The following DSCAML1 variants were observed in gnomAD, a reference collection of about 807,000 sequenced individuals.
The protein encoded by DSCAML1 is DS cell adhesion molecule like 1, also known as cell adhesion molecule DSCAML1.
Under a neutral mutation model 200.5 loss-of-function variants are expected in DSCAML1, and 38 were observed. The ratio of observed to expected loss-of-function variants is 0.19; its 90% CI spans 0.15 to 0.25. DSCAML1 has a LOEUF of 0.25. DSCAML1 is among the 10% of genes least tolerant of loss of function. The pLI is 1.00. For synonymous variants in DSCAML1, 1,215 were observed against 1,165.0 expected (o/e 1.04, Z -0.87); for missense variants, 2,223 against 2,858.8 (o/e 0.78, Z 5.07).
At chr11:117,567,606 T>C (rs2050780295) in intron 3 of DSCAML1, among the ~76,000 whole-genome samples, 1 of 152,286 alleles carries the variant, frequency 6.6e-6, no homozygotes, top group East Asian at 1.9e-4. Context: ...TCTATGCAAA[T>C]AAACTAGAAA....
At chr11:117,671,635 G>A (rs2053109659) in intron 3 of DSCAML1, among the ~76,000 whole-genome samples, 1 of 152,184 alleles carries the variant, frequency 6.6e-6, no homozygotes, top group Non-Finnish European at 1.5e-5. Flanking sequence ...ATCATTTACT[G>A]CTAGTAATTA....
At chr11:117,512,358 T>C (rs961088835) in intron 8 of DSCAML1, among the ~76,000 whole-genome samples, 1 of 152,124 alleles carries the variant, frequency 6.6e-6, no homozygotes, top group African/African-American at 2.4e-5. Context: ...GGGTAGTTCT[T>C]GGAACAGCGC....
intron 3 of DSCAML1, among the ~76,000 whole-genome samples, chr11:117,549,613 G>A (rs1026767691): frequency 2.0e-5 from 3 of 152,224 alleles, no homozygotes; most frequent in Non-Finnish European, 4.4e-5. Context: ...CGCCTGCACA[G>A]TGATTGCGTG....
chr11:117,685,983 G>A (rs764131533), intron 3 of DSCAML1, among the ~76,000 whole-genome samples: 2 of 152,150 alleles, frequency 1.3e-5, no homozygotes, highest in Non-Finnish European at 2.9e-5. Flanking sequence ...CCTTGAGGAT[G>A]GGAGGGAGGG....
At chr11:117,711,174 G>C (rs1319167490) in intron 3 of DSCAML1, among the ~76,000 whole-genome samples, 1 of 152,162 alleles carries the variant, frequency 6.6e-6, no homozygotes, top group Non-Finnish European at 1.5e-5. Context: ...TATGATTTCT[G>C]CCTCATGGGG....
chr11:117,494,148 A>G (rs2049246343), intron 11 of DSCAML1, among the ~76,000 whole-genome samples: 1 of 152,198 alleles, frequency 6.6e-6, no homozygotes, highest in Admixed American at 6.5e-5. Context: ...CCTTTCAGAA[A>G]CAGAAGGAGA....
chr11:117,514,830 C>T (rs532408654), intron 8 of DSCAML1, among the ~76,000 whole-genome samples: 2 of 152,230 alleles, frequency 1.3e-5, no homozygotes, highest in Non-Finnish European at 2.9e-5. Context: ...GATCCGCCTA[C>T]CTCGGCTTCC....
chr11:117,643,656 A>T (rs968203724), intron 3 of DSCAML1, among the ~76,000 whole-genome samples: 4 of 152,236 alleles, frequency 2.6e-5, no homozygotes. Context: ...AGCCTCACGC[A>T]CCAGCCCAGA....
rs2050008955 is a variant in DSCAML1, at chr11:117,528,057, G to A, written c.659-2974C>T. Among the ~76,000 whole-genome samples the A allele has an allele frequency of 2.0e-5, 3 of 152,306 alleles. No individual in the cohort carries two copies. The East Asian group carries it at 5.8e-4, about 29-fold the overall frequency. The stretch of plus-strand genomic sequence containing the variant: ...ACAAGGCCGTTGCAGGCAACCAGTA[G>A]TATAGGTGTGTGGAAGCGCTTTAGA... On this transcript the variant is annotated intron_variant, in intron 4 of 32. Coordinates refer to ENST00000651296, the MANE Select transcript of DSCAML1 (RefSeq NM_020693.4).
At position 117,516,569 on chromosome 11, in the gene DSCAML1, G is replaced by T. The variant is rs376227372; in HGVS notation, c.1681C>A (p.Leu561Met). ...TCCATGCCCTTCTGCACGTCAGTCA[G>T]CTTGAGGGTCCCATTCTCAAACACC... Reference protein sequence around the residue: ...QVVFENGTLKLTDVQKGMDEG... With the variant: ...QVVFENGTLKMTDVQKGMDEG... Residue 561 changes from leucine (L) to methionine (M), a missense_variant, in exon 8 of 33, where the codon CTG (leucine) becomes ATG (methionine). By Grantham distance (15) the Leu-to-Met change is conservative. This residue lies in a region of DSCAML1 where 212 missense variants were observed against 368.0 expected (regional missense o/e 0.58). Transcript: ENST00000651296. This position sits in a 1 kb window ranked among gnomAD's most constrained non-coding sequence, Gnocchi z 5.7. 6.2e-7 allele frequency: 1 copy of T among 1,614,098 alleles called. No homozygotes were observed. The highest frequency in any genetic ancestry group is 8.5e-7 in the Non-Finnish European group (1 of 1,180,030).
At chr11:117,672,823 T>C (rs1041127594) in intron 3 of DSCAML1, among the ~76,000 whole-genome samples, 1 of 152,234 alleles carries the variant, frequency 6.6e-6, no homozygotes, top group Non-Finnish European at 1.5e-5. Context: ...CAACAGTTCA[T>C]GCAGGATGAG....
intron 21 of DSCAML1, among the ~76,000 whole-genome samples, chr11:117,441,047 G>A (rs1257265198): frequency 6.6e-6 from 1 of 152,066 alleles, no homozygotes; most frequent in Non-Finnish European, 1.5e-5. Context: ...ACAGGATGGT[G>A]GCCAGAATGC....
intron 3 of DSCAML1, among the ~76,000 whole-genome samples, chr11:117,599,305 C>T (rs1400705788): frequency 6.6e-6 from 1 of 152,184 alleles, no homozygotes; most frequent in Non-Finnish European, 1.5e-5. Context: ...AGTTCTGGTC[C>T]ATATACCTTC....
chr11:117,634,182 C>T (rs2052229713), intron 3 of DSCAML1, among the ~76,000 whole-genome samples: 1 of 152,128 alleles, frequency 6.6e-6, no homozygotes, highest in South Asian at 2.1e-4. Context: ...TGATTCAGTT[C>T]CCTCATGCAG....
intron 3 of DSCAML1, among the ~76,000 whole-genome samples, chr11:117,578,236 G>GGA (rs755668465): frequency 3.0e-5 from 3 of 101,410 alleles, no homozygotes; most frequent in African/African-American, 4.4e-5. Flanking sequence ...ACTCTGTCTC[G>GGA]AAAAAAAAAA....
intron 14 of DSCAML1, among the ~76,000 whole-genome samples, chr11:117,474,754 T>A (rs978295527): frequency 1.2e-4 from 18 of 151,784 alleles, no homozygotes; most frequent in Non-Finnish European, 2.5e-4. Flanking sequence ...CATTCCTTTT[T>A]TCCTTTTTTT....
At chr11:117,549,604 G>A (rs985194823) in intron 3 of DSCAML1, among the ~76,000 whole-genome samples, 7 of 152,158 alleles carry the variant, frequency 4.6e-5, no homozygotes, top group Non-Finnish European at 8.8e-5. Context: ...CAGGCCCAGC[G>A]CCTGCACAGT....
At chr11:117,764,277 G>A (rs2054854710) in intron 3 of DSCAML1, among the ~76,000 whole-genome samples, 1 of 152,118 alleles carries the variant, frequency 6.6e-6, no homozygotes, top group South Asian at 2.1e-4. Flanking sequence ...CTTTCCAAGG[G>A]TAAAAAAAGA....
At chr11:117,756,237 G>A (rs1483629706) in intron 3 of DSCAML1, among the ~76,000 whole-genome samples, 2 of 152,220 alleles carry the variant, frequency 1.3e-5, no homozygotes, top group African/African-American at 4.8e-5. Context: ...GTGCCCAGTG[G>A]ACTCTTAGGG....
Sources: allele counts gnomAD v4.1 joint callset (sites outside exome capture counted in the v4.1 genomes callset), GRCh38; gene constraint gnomAD v4.1.1; regional missense constraint gnomAD v4.1.1; non-coding constraint Gnocchi (gnomAD v3.1); transcripts MANE v1.5; gene names NCBI Gene and HGNC (gene_info 2026-07-23, HGNC 2026-07-21).